SBF2: variants seen among roughly 807,000 people sequenced by gnomAD.
The protein encoded by SBF2 is SET binding factor 2.
Under a neutral mutation model 225.2 loss-of-function variants are expected in SBF2, and 112 were observed. The ratio of observed to expected loss-of-function variants is 0.50; its 90% CI spans 0.43 to 0.58. The LOEUF (loss-of-function observed/expected upper bound fraction) is 0.58, where lower values mean the gene tolerates loss of function less well. Ranked by LOEUF, SBF2 falls within the 20% of genes least tolerant of loss-of-function variation. The pLI is 0.00. For missense variants in SBF2, 1,996 were observed against 2,206.2 expected (o/e 0.90, Z 1.91); for synonymous variants, 763 against 773.3 (o/e 0.99, Z 0.22).
At chr11:10,126,988 A>T (rs1207134130) in intron 2 of SBF2, among the ~76,000 whole-genome samples, 3 of 152,110 alleles carry the variant, frequency 2.0e-5, no homozygotes, top group African/African-American at 7.2e-5. Context: ...AAAATAGGCA[A>T]ATCATAGAGA....
At chr11:9,800,447 C>T (rs1204112835) in intron 32 of SBF2, among the ~76,000 whole-genome samples, 3 of 152,012 alleles carry the variant, frequency 2.0e-5, no homozygotes, top group Admixed American at 1.3e-4. Context: ...CGCTCTGTTG[C>T]CCAGGCTGGA....
At position 10,209,801 on chromosome 11, in the gene SBF2, T is replaced by C. The variant is rs151011993; in HGVS notation, c.56-15814A>G. On this transcript the variant is annotated intron_variant, in intron 1 of 39. Coordinates refer to ENST00000256190, the MANE Select transcript of SBF2 (RefSeq NM_030962.4). ...TATGACAGAAAACCTAAAACATTAA[T>C]AGCTTAAACAAGATAAAAGTATATT... Among the ~76,000 whole-genome samples the C allele has an allele frequency of 1.4e-3, 209 of 152,168 alleles. 1 individual carries two copies. Among genetic ancestry groups the C allele is most frequent in the Admixed American group, 3.7e-3 (56 of 15,286 alleles).
At chr11:9,954,310 A>G (rs1034077221) in intron 16 of SBF2, among the ~76,000 whole-genome samples, 13 of 152,218 alleles carry the variant, frequency 8.5e-5, no homozygotes, top group Non-Finnish European at 1.6e-4. Flanking sequence ...TCTTTCTTAA[A>G]ACATCAACAC....
Position 10,294,103 on chromosome 11 carries a change from C to A in SBF2, c.-34G>T, listed in dbSNP as rs977673065. ...CCGCCGCGCTCGGGAAGCGGGTCCCCGTCGCCGCCCTCGCCGCCGCCGCCC... is the reference window on the plus strand; with the variant it reads ...CCGCCGCGCTCGGGAAGCGGGTCCCAGTCGCCGCCCTCGCCGCCGCCGCCC... On this transcript the variant is annotated 5_prime_UTR_variant, in exon 1 of 40. Coordinates refer to ENST00000256190, the MANE Select transcript of SBF2 (RefSeq NM_030962.4). The A allele has an allele frequency of 7.5e-7, 1 of 1,324,758 alleles. No individual in the cohort carries two copies. The highest frequency in any genetic ancestry group is 9.6e-7 in the Non-Finnish European group (1 of 1,039,124). The allele number at this position is 1,324,758 out of a possible 1,614,324, so 82.1% of individuals were successfully genotyped here. A position where few individuals can be genotyped will look rare whatever the true frequency, so the allele number is the denominator to read the frequency against.
At chr11:9,835,722 A>T (rs965517037) in intron 26 of SBF2, among the ~76,000 whole-genome samples, 5 of 150,282 alleles carry the variant, frequency 3.3e-5, no homozygotes, top group African/African-American at 1.2e-4. Context: ...GAATCAACAG[A>T]GTTTATTCTT....
intron 1 of SBF2, among the ~76,000 whole-genome samples, chr11:10,240,605 C>T (rs924348818): frequency 8.6e-5 from 13 of 152,046 alleles, no homozygotes; most frequent in African/African-American, 3.1e-4. Flanking sequence ...AAGTAAAAAG[C>T]AAAATATAAT....
At chr11:9,968,267 T>C in intron 14 of SBF2, 74 bp downstream of exon 14, 2 of 1,332,528 alleles carry the variant, frequency 1.5e-6, no homozygotes, top group Non-Finnish European at 2.2e-6. Context: ...ATTCATCAAA[T>C]TGCACACTTT....
At chr11:10,297,063 G>T (rs973559613), upstream of SBF2, among the ~76,000 whole-genome samples, 14 of 152,018 alleles carry the variant, frequency 9.2e-5, no homozygotes, top group African/African-American at 2.7e-4. Context: ...TTGTCTTTTT[G>T]AGGTTGAGTT....
intron 2 of SBF2, among the ~76,000 whole-genome samples, chr11:10,106,439 C>A (rs1192783241): frequency 6.6e-6 from 1 of 151,962 alleles, no homozygotes; most frequent in Admixed American, 6.5e-5. Context: ...ACAGCCTGGC[C>A]AACATGGCGA....
At chr11:10,214,065 C>T (rs1192470218) in intron 1 of SBF2, among the ~76,000 whole-genome samples, 1 of 152,120 alleles carries the variant, frequency 6.6e-6, no homozygotes, top group Admixed American at 6.5e-5. Context: ...AAAATTTAGC[C>T]CTGCAGTTTA....
chr11:10,196,252 A>G (rs1957350635), intron 1 of SBF2, among the ~76,000 whole-genome samples: 1 of 152,184 alleles, frequency 6.6e-6, no homozygotes, highest in Non-Finnish European at 1.5e-5. Flanking sequence ...AATTGTTTTA[A>G]GTTTATTCCT....
intron 16 of SBF2, among the ~76,000 whole-genome samples, chr11:9,908,443 G>A (rs961670011): frequency 6.6e-6 from 1 of 152,078 alleles, no homozygotes; most frequent in Non-Finnish European, 1.5e-5. Context: ...GGCTAACACG[G>A]TGAAACCCCG....
chr11:9,807,975 G>T, intron 32 of SBF2, 25 bp downstream of exon 32: 1 of 1,608,102 alleles, frequency 6.2e-7, no homozygotes, highest in Non-Finnish European at 8.5e-7. Flanking sequence ...TTCATATCAA[G>T]TCAACTCAAG....
intron 1 of SBF2, among the ~76,000 whole-genome samples, chr11:10,299,768 A>G (rs772808336): frequency 1.3e-5 from 2 of 152,226 alleles, no homozygotes; most frequent in Non-Finnish European, 2.9e-5. Context: ...CAGTCTCTCC[A>G]GAGTACCACC....
At chr11:10,258,138 C>T (rs1164999103) in intron 1 of SBF2, among the ~76,000 whole-genome samples, 2 of 150,540 alleles carry the variant, frequency 1.3e-5, no homozygotes, top group Admixed American at 6.6e-5. Context: ...CAGGATCTCC[C>T]TCTGTCACCT....
chr11:10,220,152 A>G (rs193238151), intron 1 of SBF2, among the ~76,000 whole-genome samples: 1 of 152,360 alleles, frequency 6.6e-6, no homozygotes, highest in Admixed American at 6.5e-5. Context: ...TCATGGCGCA[A>G]GGCAAAGGAG....
chr11:9,932,507 C>A (rs1417845367), intron 16 of SBF2, among the ~76,000 whole-genome samples: 5 of 152,076 alleles, frequency 3.3e-5, no homozygotes, highest in Non-Finnish European at 7.4e-5. Flanking sequence ...ATTTTCAACC[C>A]AGAATTTCAT....
intron 33 of SBF2, among the ~76,000 whole-genome samples, chr11:9,794,288 C>A (rs888004470): frequency 6.6e-6 from 1 of 152,130 alleles, no homozygotes; most frequent in African/African-American, 2.4e-5. Context: ...AGGCAAATAC[C>A]TGCGTTTTAC....
At chr11:10,280,622 A>G (rs748725081) in intron 1 of SBF2, among the ~76,000 whole-genome samples, 3 of 152,228 alleles carry the variant, frequency 2.0e-5, no homozygotes, top group Non-Finnish European at 2.9e-5. Context: ...GATTACTGAA[A>G]CAAATCATCT....
Sources: allele counts gnomAD v4.1 joint callset (sites outside exome capture counted in the v4.1 genomes callset), GRCh38; gene constraint gnomAD v4.1.1; transcripts MANE v1.5; gene names NCBI Gene and HGNC (gene_info 2026-07-23, HGNC 2026-07-21).